SP140: variants seen among roughly 807,000 people sequenced by gnomAD.
The protein encoded by SP140 is nuclear body protein SP140.
SP140 carries 81 observed loss-of-function variants against 125.0 expected under a neutral mutation model. The observed-to-expected ratio is 0.65, with a 90% CI of 0.54 to 0.78. SP140 has a LOEUF of 0.78. Among genes scored for constraint, SP140 ranks in the 30% least tolerant of loss-of-function variants. The pLI is 0.00. For missense variants in SP140, 858 were observed against 1,037.0 expected (o/e 0.83, Z 2.37); for synonymous variants, 312 against 354.0 (o/e 0.88, Z 1.33).
rs147793905 is a variant in SP140, at chr2:230,253,416, A to G, written c.1158A>G (p.Glu386=). ...KELSLLPGEG[E]EGSDDCSEMC... ...TCAGTCTACTACCAGGTGAAGGAGA[A>G]GGTAATTATGATGTACATTTTTAGG... Residue 386 remains glutamate, a splice_region_variant and synonymous_variant, in exon 11 of 27, where the codon GAA becomes GAG. Transcript: ENST00000392045. 1,314 of 1,591,228 alleles carry G rather than the reference A, an allele frequency of 8.3e-4. 13 individuals are homozygous for G. In the African/African-American group the frequency reaches 0.016, roughly 19 times the overall value.
chr2:230,215,613 A>T (rs745716273), intron 3 of SP140, among the ~76,000 whole-genome samples: 2 of 152,188 alleles, frequency 1.3e-5, no homozygotes, highest in Admixed American at 6.5e-5. Flanking sequence ...CACCCTGAGA[A>T]TTTTCCTTGC....
intron 7 of SP140, among the ~76,000 whole-genome samples, chr2:230,246,308 G>A (rs3829782): frequency 0.094 from 14,303 of 152,180 alleles, 876 homozygotes; most frequent in Non-Finnish European, 0.12. Context: ...AGTTTGAATC[G>A]TTAAATAAAG....
chr2:230,200,785 A>G, upstream of SP140: 1 of 948,438 alleles, frequency 1.1e-6, no homozygotes, highest in Non-Finnish European at 1.7e-6. Flanking sequence ...CACAGTAATA[A>G]TGAAAAAAAA....
At chr2:230,227,079 C>T (rs1038897825) in intron 1 of SP140, among the ~76,000 whole-genome samples, 1 of 151,952 alleles carries the variant, frequency 6.6e-6, no homozygotes. Context: ...CATGGAGGGT[C>T]CTGGAACCAA....
chr2:230,237,487 A>G lies in SP140; in HGVS notation c.237+227A>G. ...AGGTGGGGCAGGAGAGAGAATGGGA[A>G]TGCTGTATGGGTGCAGATCATCCTA... On this transcript the variant is annotated intron_variant, in intron 2 of 26. Transcript: ENST00000392045. The surrounding 1 kb of genome is among the most constrained non-coding windows in gnomAD (Gnocchi z 5.4). 1 of 492,854 alleles carries G rather than the reference A, an allele frequency of 2.0e-6. No individual in the cohort carries two copies. The highest frequency in any genetic ancestry group is 3.6e-6 in the Non-Finnish European group (1 of 278,892). The allele number at this position is 492,854 out of a possible 1,614,324, so 30.5% of individuals were successfully genotyped here.
intron 12 of SP140, among the ~76,000 whole-genome samples, chr2:230,268,417 TG>T (rs2053446573): frequency 6.6e-6 from 1 of 151,356 alleles, no homozygotes; most frequent in Non-Finnish European, 1.5e-5. Flanking sequence ...CCAGCTACTT[TG>T]GGAGGCTGAG....
chr2:230,199,685 A>G (rs2043045575), upstream of SP140, among the ~76,000 whole-genome samples: 1 of 152,226 alleles, frequency 6.6e-6, no homozygotes, highest in African/African-American at 2.4e-5. Flanking sequence ...CACACCACAG[A>G]GACCAAATAG....
chr2:230,251,563 A>G (rs1046604004), intron 10 of SP140, among the ~76,000 whole-genome samples: 1 of 152,166 alleles, frequency 6.6e-6, no homozygotes, highest in African/African-American at 2.4e-5. Flanking sequence ...TTAAAATTCT[A>G]TTCTCACTCA....
chr2:230,200,660 G>C (rs2043088697), upstream of SP140: 4 of 581,134 alleles, frequency 6.9e-6, no homozygotes, highest in Non-Finnish European at 1.2e-5. Flanking sequence ...CTTATATAGT[G>C]CAGATATACA....
intron 15 of SP140, among the ~76,000 whole-genome samples, chr2:230,281,815 C>A (rs1000238614): frequency 3.9e-5 from 6 of 152,144 alleles, no homozygotes; most frequent in African/African-American, 1.4e-4. Context: ...TATTGATGGA[C>A]ACCTCGAGTT....
chr2:230,273,302 T>A (rs2054211720), intron 15 of SP140, among the ~76,000 whole-genome samples: 1 of 152,194 alleles, frequency 6.6e-6, no homozygotes, highest in African/African-American at 2.4e-5. Flanking sequence ...AGATAACTTT[T>A]CAAGAGAAGA....
downstream of SP140, among the ~76,000 whole-genome samples, chr2:230,315,169 C>G (rs6731421): frequency 0.016 from 2,452 of 152,312 alleles, 67 homozygotes; most frequent in African/African-American, 0.055. Flanking sequence ...AAGGTGAAGT[C>G]TAGACCCCTT....
intron 12 of SP140, among the ~76,000 whole-genome samples, chr2:230,265,039 T>C (rs1473212129): frequency 6.6e-6 from 1 of 152,102 alleles, no homozygotes; most frequent in East Asian, 1.9e-4. Context: ...TAAGGTTATA[T>C]GCCCTTTGTC....
chr2:230,253,960 A>G lies in SP140; in HGVS notation c.1159+543A>G, dbSNP rs554092374. Among the ~76,000 whole-genome samples the G allele has an allele frequency of 2.3e-4, 35 of 152,290 alleles. No individual in the cohort carries two copies. In the South Asian group the frequency reaches 6.8e-3, roughly 30 times the overall value. ...GGAGAAGAGAACTTTGAGAGTGAGGAAAATATATAAAATCGTGGACATTTT... is the reference window on the plus strand; with the variant it reads ...GGAGAAGAGAACTTTGAGAGTGAGGGAAATATATAAAATCGTGGACATTTT... On this transcript the variant is annotated intron_variant, in intron 11 of 26. Coordinates refer to ENST00000392045, the MANE Select transcript of SP140 (RefSeq NM_007237.5).
chr2:230,269,012 A>C (rs1478156105), intron 12 of SP140, among the ~76,000 whole-genome samples: 2 of 152,220 alleles, frequency 1.3e-5, no homozygotes, highest in African/African-American at 2.4e-5. Context: ...CTGCAGTTTT[A>C]TAGAGAGTTT....
At chr2:230,309,500 A>T (rs1039367587) in intron 22 of SP140, among the ~76,000 whole-genome samples, 5 of 152,184 alleles carry the variant, frequency 3.3e-5, no homozygotes, top group Non-Finnish European at 5.9e-5. Context: ...GGATGTGGTG[A>T]TATCTCAGAA....
intron 14 of SP140, among the ~76,000 whole-genome samples, 153 bp downstream of exon 14, chr2:230,270,106 C>T (rs557145513): frequency 1.3e-5 from 2 of 152,102 alleles, no homozygotes; most frequent in South Asian, 2.1e-4. Context: ...GGCAAGAGAT[C>T]GTTATAAAGT....
At chr2:230,313,222 CT>C (rs1277478856), downstream of SP140, 2 of 153,138 alleles carry the variant, frequency 1.3e-5, no homozygotes, top group Non-Finnish European at 2.9e-5. Context: ...TGTTTATCTG[CT>C]TTTGTCAATT....
rs1365510720 is a variant in SP140 at position 230,248,984 on chromosome 2, G to A, written c.976+16G>A. The A allele has an allele frequency of 1.3e-6, 2 of 1,589,274 alleles. No homozygotes were observed. The highest frequency in any genetic ancestry group is 2.2e-5 in the East Asian group (1 of 44,748). ...GAAGGAGAAGGTAATTATGATTTAAGTTTTTAAATATTTGAGTACATCTTT... is the reference window on the plus strand; with the variant it reads ...GAAGGAGAAGGTAATTATGATTTAAATTTTTAAATATTTGAGTACATCTTT... On this transcript the variant is annotated intron_variant, in intron 9 of 26. Coordinates refer to ENST00000392045, the MANE Select transcript of SP140 (RefSeq NM_007237.5).
Sources: gnomAD v4.1 joint callset for allele counts (sites outside exome capture counted in the v4.1 genomes callset) on GRCh38, gnomAD v4.1.1 for gene constraint, Gnocchi (gnomAD v3.1) non-coding constraint, MANE v1.5 for transcripts, NCBI Gene and HGNC (gene_info 2026-07-23, HGNC 2026-07-21) for gene names.